Variants in WWC1 observed in about 807,000 individuals in gnomAD.
WWC1 encodes protein KIBRA.
In WWC1, 55 loss-of-function variants were observed where a neutral mutation model predicts 138.4. The ratio of observed to expected loss-of-function variants is 0.40; its 90% CI spans 0.32 to 0.50. The LOEUF (loss-of-function observed/expected upper bound fraction) is 0.50, where lower values mean the gene tolerates loss of function less well. WWC1 is among the 20% of genes least tolerant of loss of function. The pLI is 0.72. For synonymous variants in WWC1, 524 were observed against 564.9 expected, an observed-to-expected ratio of 0.93 and a Z score of 1.03; for missense variants, 1,226 against 1,420.4, an observed-to-expected ratio of 0.86 and a Z score of 2.20.
chr5:168,407,990 G>C (rs962103360), intron 6 of WWC1, among the ~76,000 whole-genome samples: 3 of 148,486 alleles, frequency 2.0e-5, no homozygotes, highest in African/African-American at 7.4e-5. Context: ...AGCCTCCCAA[G>C]TAGTTGGAAC....
intron 1 of WWC1, among the ~76,000 whole-genome samples, chr5:168,323,964 A>T (rs1379588000): frequency 6.6e-6 from 1 of 152,242 alleles, no homozygotes; most frequent in Non-Finnish European, 1.5e-5. Flanking sequence ...GATACAAACC[A>T]AAACATAACT....
intron 5 of WWC1, among the ~76,000 whole-genome samples, chr5:168,401,622 A>G (rs1779318032): frequency 1.3e-5 from 2 of 152,240 alleles, no homozygotes; most frequent in South Asian, 4.1e-4. Flanking sequence ...ATGCTGTAAG[A>G]AAGTATGGCT....
intron 4 of WWC1, 92 bp downstream of exon 4, chr5:168,397,892 C>T: frequency 2.8e-6 from 4 of 1,404,746 alleles, no homozygotes; most frequent in Non-Finnish European, 4.0e-6. Flanking sequence ...ACAGATGCTC[C>T]AGCCAGGCTA....
chr5:168,383,240 C>G (rs546940367), intron 2 of WWC1, among the ~76,000 whole-genome samples: 17 of 151,860 alleles, frequency 1.1e-4, no homozygotes, highest in Middle Eastern at 3.4e-3. Flanking sequence ...AAAACTGATC[C>G]TAGGCAATAG....
chr5:168,373,605 C>T (rs139332360), intron 2 of WWC1, among the ~76,000 whole-genome samples: 4 of 151,642 alleles, frequency 2.6e-5, no homozygotes, highest in African/African-American at 7.3e-5. Flanking sequence ...GACACAATAT[C>T]GGGCATGTTT....
chr5:168,456,698 A>ATTTTT (rs10680508), intron 19 of WWC1, among the ~76,000 whole-genome samples: 4 of 146,774 alleles, frequency 2.7e-5, no homozygotes, highest in African/African-American at 2.5e-5. Context: ...TGCTCCGCCA[A>ATTTTT]TTTTTTTTTT....
intron 3 of WWC1, among the ~76,000 whole-genome samples, chr5:168,390,456 C>T (rs1335797805): frequency 2.0e-5 from 3 of 152,218 alleles, no homozygotes; most frequent in Admixed American, 1.3e-4. Flanking sequence ...CCACCATTTT[C>T]ATTGTTAAAT....
intron 11 of WWC1, 149 bp from the exon 12 acceptor site, chr5:168,427,884 C>A (rs942520487): frequency 1.8e-6 from 1 of 567,680 alleles, no homozygotes; most frequent in Non-Finnish European, 3.2e-6. Context: ...CACCAGAACC[C>A]GAAGTGGTCG....
intron 3 of WWC1, among the ~76,000 whole-genome samples, chr5:168,387,703 G>A (rs1158343824): frequency 6.6e-6 from 1 of 152,134 alleles, no homozygotes; most frequent in Non-Finnish European, 1.5e-5. Context: ...CCATCGTGAG[G>A]AGCCTACCCT....
rs748968429 is a variant in WWC1 at position 168,454,010 on chromosome 5, AGAG to A, written c.2579_2581del (p.Glu860del). On this transcript the variant is annotated inframe_deletion, in exon 18 of 23. Coordinates refer to ENST00000265293, the MANE Select transcript of WWC1 (RefSeq NM_015238.3). ...GTGAGAATGAGGCAGTAGCCGAGGA[AGAG>A]GAGGAGGAGGTGGAGGAGGAGGAGG... The A allele has an allele frequency of 2.6e-5, 41 of 1,594,784 alleles. No individual in the cohort carries two copies. Among genetic ancestry groups the A allele is most frequent in the Admixed American group, 5.2e-5 (3 of 58,086 alleles).
chr5:168,316,576 C>T (rs918044045), intron 1 of WWC1: 8 of 152,312 alleles, frequency 5.3e-5, no homozygotes, highest in Non-Finnish European at 1.5e-5. Context: ...TGAGGGCAGC[C>T]TGCCCTCTAC....
chr5:168,412,015 C>T (rs1033903169), intron 8 of WWC1: 49 of 985,334 alleles, frequency 5.0e-5, no homozygotes, highest in Non-Finnish European at 5.4e-5. Context: ...CTCCCCCAGG[C>T]GTCCAGCAAA....
At chr5:168,467,329 A>G (rs1757385040) in intron 21 of WWC1, among the ~76,000 whole-genome samples, 1 of 152,220 alleles carries the variant, frequency 6.6e-6, no homozygotes, top group Non-Finnish European at 1.5e-5. Context: ...TTTCAAGTAT[A>G]TGGTACGTGG....
At position 168,453,840 on chromosome 5, in the gene WWC1, C is replaced by G. The variant is rs867884251; in HGVS notation, c.2526-128C>G. Reference sequence around the variant, plus strand: ...GGATTACAGGTGTGAGCCTGGCCCCCCAAAACTTTTTAAAATATATCTTCA... The same window carrying G: ...GGATTACAGGTGTGAGCCTGGCCCCGCAAAACTTTTTAAAATATATCTTCA... On this transcript the variant is annotated intron_variant, in intron 17 of 22. Coordinates refer to ENST00000265293, the MANE Select transcript of WWC1 (RefSeq NM_015238.3). 1.9e-5 allele frequency: 28 copies of G among 1,488,420 alleles called. 1 individual carries two copies. In the Middle Eastern group the frequency reaches 2.0e-3, roughly 104 times the overall value. The allele number at this position is 1,488,420 out of a possible 1,614,324, so 92.2% of individuals were successfully genotyped here.
At chr5:168,453,230 A>T (rs377292245) in intron 17 of WWC1, among the ~76,000 whole-genome samples, 1 of 68,524 alleles carries the variant, frequency 1.5e-5, no homozygotes, top group Admixed American at 1.4e-4. Context: ...ATTCAAAAGG[A>T]AAAAAAAAAA....
At chr5:168,380,956 G>T (rs1445807527) in intron 2 of WWC1, among the ~76,000 whole-genome samples, 7 of 152,150 alleles carry the variant, frequency 4.6e-5, no homozygotes, top group African/African-American at 1.7e-4. Context: ...GGGAGAGGGG[G>T]TGAGTAGAGG....
intron 2 of WWC1, among the ~76,000 whole-genome samples, chr5:168,384,646 A>G (rs895820492): frequency 1.1e-4 from 16 of 151,972 alleles, no homozygotes; most frequent in African/African-American, 3.9e-4. Context: ...TTAGTACTCA[A>G]ACCTGATCCT....
In WWC1 at chr5:168,467,979, C is replaced by T. The variant is rs2305724; in HGVS notation, c.3275+15C>T. 102,397 of 1,613,580 alleles carry T rather than the reference C, an allele frequency of 0.063. 8,163 individuals are homozygous for T. The highest frequency in any genetic ancestry group is 0.27 in the East Asian group (12,330 of 44,838). ...CAGTCTTTCAGGTAAGCAGAGGGCC[C>T]CGGCAGCCCCCCATCCCTTTCTCAG... On this transcript the variant is annotated intron_variant, in intron 22 of 22. Transcript: ENST00000265293.
At chr5:168,399,671 A>G (rs747522670) in intron 5 of WWC1, 104 bp downstream of exon 5, 8 of 1,117,474 alleles carry the variant, frequency 7.2e-6, no homozygotes, top group Non-Finnish European at 1.0e-5. Context: ...TCCCTTCTCA[A>G]AATGTGGCTC....
Sources: allele counts gnomAD v4.1 joint callset (sites outside exome capture counted in the v4.1 genomes callset), GRCh38; gene constraint gnomAD v4.1.1; transcripts MANE v1.5; gene names NCBI Gene and HGNC (gene_info 2026-07-23, HGNC 2026-07-21).